ICAM5: variants seen among roughly 807,000 people sequenced by gnomAD.
ICAM5 encodes the protein ICAM-5.
A neutral mutation model predicts 78.8 loss-of-function variants in ICAM5; 38 were observed. That is an observed-to-expected ratio of 0.48 (90% confidence interval 0.37 to 0.63). The LOEUF is 0.63. Ranked by LOEUF, ICAM5 falls within the 30% of genes least tolerant of loss-of-function variation. The probability of loss-of-function intolerance (pLI) is 0.00; values close to 1 mark genes in which losing one functional copy is unlikely to be tolerated. For synonymous variants in ICAM5, 544 were observed against 590.9 expected (o/e 0.92, Z 1.15); for missense variants, 1,059 against 1,303.0 (o/e 0.81, Z 2.88).
At position 10,290,200 on chromosome 19, in the gene ICAM5, C is replaced by A; in HGVS notation, c.82+75C>A. The A allele has an allele frequency of 8.9e-7, 1 of 1,125,286 alleles. No individual in the cohort carries two copies. The highest frequency in any genetic ancestry group is 1.2e-6 in the Non-Finnish European group (1 of 817,230). The allele number at this position is 1,125,286 out of a possible 1,614,324, so 69.7% of individuals were successfully genotyped here. On this transcript the variant is annotated intron_variant, in intron 1 of 10. Coordinates refer to ENST00000221980, the MANE Select transcript of ICAM5 (RefSeq NM_003259.4). The surrounding 1 kb of genome is among the most constrained non-coding windows in gnomAD (Gnocchi z 5.7). ...TGGACCTGAGAAACGGCCTCCTGTC[C>A]CTCCCAGCTCTGCCCTCGCCTCGCT...
chr19:10,296,354 TCGCCGTGGGCGG>T lies in ICAM5; in HGVS notation c.2517_2528del (p.Val840_Ala843del). ...CACCCCGCAGGTCCGTGGCTATGGGTCGCCGTGGGCGGCGCGGCGGGGGGCGCGGCGCTGCTG... is the reference window on the plus strand; with the variant it reads ...CACCCCGCAGGTCCGTGGCTATGGGTCGCGGCGGGGGGCGCGGCGCTGCTG... On this transcript the variant is annotated inframe_deletion, in exon 11 of 11. Coordinates refer to ENST00000221980, the MANE Select transcript of ICAM5 (RefSeq NM_003259.4). 1 of 1,246,192 alleles carries T rather than the reference TCGCCGTGGGCGG, an allele frequency of 8.0e-7. No individual in the cohort carries two copies. Among genetic ancestry groups the T allele is most frequent in the Non-Finnish European group, 1.0e-6 (1 of 987,518 alleles). 77.2% of individuals were successfully genotyped at this position (1,246,192 alleles called of 1,614,324 possible).
chr19:10,290,972 C>T lies in ICAM5; in HGVS notation c.83-100C>T. On this transcript the variant is annotated intron_variant, in intron 1 of 10. Transcript: ENST00000221980. This position sits in a 1 kb window ranked among gnomAD's most constrained non-coding sequence, Gnocchi z 5.7. ...GGTTCTTTCCCTGGCTGCAGCCTCT[C>T]CTCCTCCTCCCCGCCCTCTGAGAAC... 1.4e-6 allele frequency: 2 copies of T among 1,396,634 alleles called. No individual in the cohort carries two copies. Among genetic ancestry groups the T allele is most frequent in the Non-Finnish European group, 9.6e-7 (1 of 1,041,776 alleles). The allele number at this position is 1,396,634 out of a possible 1,614,324, so 86.5% of individuals were successfully genotyped here.
At chr19:10,295,689 G>T (rs576408367) in intron 10 of ICAM5, 77 bp downstream of exon 10, 2 of 1,426,616 alleles carry the variant, frequency 1.4e-6, no homozygotes, top group Non-Finnish European at 1.9e-6. Context: ...GGCCGGCCCC[G>T]CCTGCCTCCC....
chr19:10,291,100 C>T lies in ICAM5; in HGVS notation c.111C>T (p.Asp37=). Reference sequence around the variant, plus strand: ...TCTCGCAGGAGCCCTTCTGGGCGGACCTGCAGCCTCGCGTGGCGTTCGTGG... The same window carrying T: ...TCTCGCAGGAGCCCTTCTGGGCGGATCTGCAGCCTCGCGTGGCGTTCGTGG... ...SAVSQEPFWA[D]LQPRVAFVER... The change falls in exon 2 of 11, where the codon GAC becomes GAT. Residue 37 remains aspartate, a synonymous_variant. Transcript: ENST00000221980. 2 of 1,611,620 alleles carry T rather than the reference C, an allele frequency of 1.2e-6. No homozygotes were observed. Among genetic ancestry groups the T allele is most frequent in the Non-Finnish European group, 8.5e-7 (1 of 1,179,422 alleles).
chr19:10,291,018 G>A, intron 1 of ICAM5, 54 bp from the exon 2 acceptor site: 1 of 1,546,468 alleles, frequency 6.5e-7, no homozygotes. Context: ...ACATAGGGGC[G>A]CTAAGATGTC....
Position 10,292,663 on chromosome 19 carries a change from A to G in ICAM5, c.1013A>G (p.Gln338Arg). 6.2e-7 allele frequency: 1 copy of G among 1,604,740 alleles called. No individual in the cohort carries two copies. The highest frequency in any genetic ancestry group is 1.7e-5 in the Admixed American group (1 of 57,410). The change falls in exon 5 of 11, where the codon CAG becomes CGG. Residue 338 changes from glutamine (Q) to arginine (R), a missense_variant. Transcript: ENST00000221980. ...AGCGAACCCAGCGTCTCCGAGGGGC[A>G]GATGGTGACAGTAACCTGCGCAGCT... ...TLSEPSVSEG[Q>R]MVTVTCAAGA...
chr19:10,293,658 C>T lies in ICAM5; in HGVS notation c.1466-40C>T. 1.9e-6 allele frequency: 3 copies of T among 1,598,748 alleles called. No individual in the cohort carries two copies. The highest frequency in any genetic ancestry group is 1.1e-5 in the South Asian group (1 of 89,922). ...GGAGGGTCTAGGGACGTCAGATTTG[C>T]CCCCAAACCCCAAAGCCAACAATAC... On this transcript the variant is annotated intron_variant, in intron 6 of 10. Transcript: ENST00000221980. The surrounding 1 kb of genome is among the most constrained non-coding windows in gnomAD (Gnocchi z 5.0).
At position 10,293,170 on chromosome 19, in the gene ICAM5, G is replaced by T. The variant is rs752964755; in HGVS notation, c.1389G>T (p.Ala463=). Residue 463 remains alanine (A), a synonymous_variant, in exon 6 of 11, where the codon GCG becomes GCT. Coordinates refer to ENST00000221980, the MANE Select transcript of ICAM5 (RefSeq NM_003259.4). This position sits in a 1 kb window ranked among gnomAD's most constrained non-coding sequence, Gnocchi z 5.0. ...GCCTGCTGGGTCCAGTCACTCGGGC[G>T]CTCTCAGGCACTTACCGCTGCAAGG... The part of the protein sequence containing the change: ...ALGLLGPVTR[A]LSGTYRCKAA... 1 of 1,611,280 alleles carries T rather than the reference G, an allele frequency of 6.2e-7. No homozygotes were observed. Among genetic ancestry groups the T allele is most frequent in the Non-Finnish European group, 8.5e-7 (1 of 1,179,046 alleles).
At chr19:10,295,762 T>G in intron 10 of ICAM5, 150 bp downstream of exon 10, 2 of 910,128 alleles carry the variant, frequency 2.2e-6, no homozygotes, top group South Asian at 1.8e-5. Context: ...CCTTAGCGGG[T>G]GGGGCTGTTG....
Position 10,291,609 on chromosome 19 carries a change from T to G in ICAM5, c.473T>G (p.Leu158Arg). Residue 158 changes from leucine (L) to arginine (R), a missense_variant, in exon 3 of 11, where the codon CTG (leucine) becomes CGG (arginine). Leu to Arg is a moderately radical substitution (Grantham distance 102, BLOSUM62 -2). Coordinates refer to ENST00000221980, the MANE Select transcript of ICAM5 (RefSeq NM_003259.4). The part of the protein sequence containing the change: ...GPRASLTLTL[L>R]RGAQELIRRS... ...CGTGCGAGCCTCACGCTGACCCTGC[T>G]GCGGGGCGCCCAGGAGCTGATCCGC... 6.2e-7 allele frequency: 1 copy of G among 1,611,876 alleles called. No individual in the cohort carries two copies. The highest frequency in any genetic ancestry group is 8.5e-7 in the Non-Finnish European group (1 of 1,179,568).
Position 10,294,201 on chromosome 19 carries a change from C to T in ICAM5, c.1873C>T (p.Pro625Ser), listed in dbSNP as rs755265044. 43 of 1,613,920 alleles carry T rather than the reference C, an allele frequency of 2.7e-5. No individual in the cohort carries two copies. In the Admixed American group the frequency reaches 3.8e-4, roughly 14 times the overall value. The change falls in exon 8 of 11, where the codon CCA becomes TCA. Residue 625 changes from proline (P) to serine (S), a missense_variant. Pro to Ser is a moderately conservative substitution (Grantham distance 74, BLOSUM62 -1). Around this residue, in one of 3 missense-constraint regions of ICAM5, gnomAD observed 815 missense variants for 952.8 expected, o/e 0.86. Coordinates refer to ENST00000221980, the MANE Select transcript of ICAM5 (RefSeq NM_003259.4). The surrounding 1 kb of genome is among the most constrained non-coding windows in gnomAD (Gnocchi z 7.7). ...GGGGGTGCTGCTGCCGCTGGCACCC[C>T]CAGACCCTAGTCCCAGAGCTCCCAG... is the stretch of plus-strand genomic sequence containing the variant. ...TEGVLLPLAP[P>S]DPSPRAPRIP...
Position 10,290,955 on chromosome 19 carries a change from C to A in ICAM5, c.83-117C>A. The A allele has an allele frequency of 7.4e-7, 1 of 1,352,538 alleles. No homozygotes were observed. Among genetic ancestry groups the A allele is most frequent in the Non-Finnish European group, 9.9e-7 (1 of 1,007,378 alleles). 83.8% of individuals were successfully genotyped at this position (1,352,538 alleles called of 1,614,324 possible). A position where few individuals can be genotyped will look rare whatever the true frequency, so the allele number is the denominator to read the frequency against. ...AGGACGCGGGACGCCTGGGTTCTTT[C>A]CCTGGCTGCAGCCTCTCCTCCTCCT... On this transcript the variant is annotated intron_variant, in intron 1 of 10. Coordinates refer to ENST00000221980, the MANE Select transcript of ICAM5 (RefSeq NM_003259.4). The surrounding 1 kb of genome is among the most constrained non-coding windows in gnomAD (Gnocchi z 5.7).
In ICAM5 at chr19:10,291,765, G is replaced by A. The variant is rs776400501; in HGVS notation, c.629G>A (p.Gly210Glu). 1 of 1,612,562 alleles carries A rather than the reference G, an allele frequency of 6.2e-7. No homozygotes were observed. Among genetic ancestry groups the A allele is most frequent in the South Asian group, 1.1e-5 (1 of 91,064 alleles). ...CTGGACCTGCGGCCGCACGGACTGG[G>A]ACTGTTTGAAAACAGCTCGGCCCCC... ...AELDLRPHGLGLFENSSAPRE... is the reference protein window; with the variant it reads ...AELDLRPHGLELFENSSAPRE... The change falls in exon 3 of 11, where the codon GGA (glycine) becomes GAA (glutamate). Residue 210 changes from glycine to glutamate, a missense_variant. Around this residue, in one of 3 missense-constraint regions of ICAM5, gnomAD observed 815 missense variants for 952.8 expected, o/e 0.86. Coordinates refer to ENST00000221980, the MANE Select transcript of ICAM5 (RefSeq NM_003259.4).
chr19:10,293,153 G>C lies in ICAM5; in HGVS notation c.1372G>C (p.Gly458Arg). The change falls in exon 6 of 11, where the codon GGT becomes CGT. Residue 458 changes from glycine (G) to arginine (R), a missense_variant. Coordinates refer to ENST00000221980, the MANE Select transcript of ICAM5 (RefSeq NM_003259.4). The surrounding 1 kb of genome is among the most constrained non-coding windows in gnomAD (Gnocchi z 5.0). ...GGAVLALGLL[G>R]PVTRALSGTY... ...GGCCGTGCTGGCTCTGGGCCTGCTG[G>C]GTCCAGTCACTCGGGCGCTCTCAGG... 1 of 1,611,378 alleles carries C rather than the reference G, an allele frequency of 6.2e-7. No homozygotes were observed. The highest frequency in any genetic ancestry group is 2.2e-5 in the East Asian group (1 of 44,850).
chr19:10,291,478 C>T lies in ICAM5; in HGVS notation c.353-11C>T. Reference sequence around the variant, plus strand: ...GGTGTTCAAAGAGCTGCGGACTCTTCCCCCTTGCAGAGCGACCAGATCGCG... The same window carrying T: ...GGTGTTCAAAGAGCTGCGGACTCTTTCCCCTTGCAGAGCGACCAGATCGCG... On this transcript the variant is annotated splice_polypyrimidine_tract_variant and intron_variant, in intron 2 of 10. Transcript: ENST00000221980. The T allele has an allele frequency of 2.5e-6, 4 of 1,611,956 alleles. No individual in the cohort carries two copies. The highest frequency in any genetic ancestry group is 3.4e-6 in the Non-Finnish European group (4 of 1,179,650).
rs1056536 is a variant in ICAM5, at chr19:10,294,168, G to T, written c.1840G>T (p.Ala614Ser). Residue 614 changes from alanine to serine, a missense_variant, in exon 8 of 11, where the codon GCC (alanine) becomes TCC (serine). Transcript: ENST00000221980. This position sits in a 1 kb window ranked among gnomAD's most constrained non-coding sequence, Gnocchi z 7.7. The part of the protein sequence containing the change: ...PSVKCVGSGG[A>S]TEGVLLPLAP... Reference sequence around the variant, plus strand: ...CGTGAAGTGCGTGGGCTCCGGGGGCGCCACTGAGGGGGTGCTGCTGCCGCT... The same window carrying T: ...CGTGAAGTGCGTGGGCTCCGGGGGCTCCACTGAGGGGGTGCTGCTGCCGCT... The T allele has an allele frequency of 6.2e-7, 1 of 1,612,392 alleles. No individual in the cohort carries two copies. Among genetic ancestry groups the T allele is most frequent in the East Asian group, 2.2e-5 (1 of 44,872 alleles).
chr19:10,291,012 AG>A (rs2040166457), intron 1 of ICAM5, 59 bp from the exon 2 acceptor site: 6 of 1,535,618 alleles, frequency 3.9e-6, no homozygotes, highest in Non-Finnish European at 4.4e-6. Context: ...GACTCGACAT[AG>A]GGGCGCTAAG....
At position 10,290,230 on chromosome 19, in the gene ICAM5, C is replaced by T. The variant is rs1056103383; in HGVS notation, c.82+105C>T. The T allele has an allele frequency of 1.0e-5, 8 of 794,712 alleles. No individual in the cohort carries two copies. Among genetic ancestry groups the T allele is most frequent in the Admixed American group, 9.6e-5 (3 of 31,198 alleles). The allele number at this position is 794,712 out of a possible 1,614,324, so 49.2% of individuals were successfully genotyped here. On this transcript the variant is annotated intron_variant, in intron 1 of 10. Coordinates refer to ENST00000221980, the MANE Select transcript of ICAM5 (RefSeq NM_003259.4). This position sits in a 1 kb window ranked among gnomAD's most constrained non-coding sequence, Gnocchi z 5.7. ...CAGCTCTGCCCTCGCCTCGCTCCCA[C>T]GCCTCTGCCCCCACCTCGAGCCTGA...
In ICAM5 at chr19:10,294,546, G is replaced by C; in HGVS notation, c.2136G>C (p.Gln712His). 6.2e-7 allele frequency: 1 copy of C among 1,612,250 alleles called. No homozygotes were observed. The change falls in exon 9 of 11, where the codon CAG (glutamine) becomes CAC (histidine). Residue 712 changes from glutamine (Q) to histidine (H), a missense_variant. Transcript: ENST00000221980. This position sits in a 1 kb window ranked among gnomAD's most constrained non-coding sequence, Gnocchi z 7.7. ...CSREGIPWPE[Q>H]QRVSREDAGT... is the part of the protein sequence containing the mutation. ...GGGAAGGCATCCCATGGCCTGAGCA[G>C]CAGCGCGTGTCCCGAGAGGACGCGG...
Sources: allele counts gnomAD v4.1 joint callset, GRCh38; gene constraint gnomAD v4.1.1; regional missense constraint gnomAD v4.1.1; non-coding constraint Gnocchi (gnomAD v3.1); transcripts MANE v1.5; gene names NCBI Gene and HGNC (gene_info 2026-07-23, HGNC 2026-07-21).